ANXA6: variants seen among roughly 807,000 people sequenced by gnomAD.
ANXA6 encodes annexin A6, also known as 67 kDa calelectrin.
A neutral mutation model predicts 95.4 loss-of-function variants in ANXA6; 71 were observed. The ratio of observed to expected loss-of-function variants is 0.74; its 90% CI spans 0.61 to 0.91. The LOEUF is 0.91. ANXA6 is among the 40% of genes least tolerant of loss of function. The pLI is 0.00. For synonymous variants in ANXA6, 289 were observed against 315.9 expected (o/e 0.91, Z 0.90); for missense variants, 830 against 876.4 (o/e 0.95, Z 0.67).
In ANXA6 at chr5:151,129,464, G is replaced by T. The variant is rs769951302; in HGVS notation, c.861C>A (p.Leu287=). The T allele has an allele frequency of 3.7e-6, 6 of 1,613,064 alleles. No individual in the cohort carries two copies. The highest frequency in any genetic ancestry group is 5.1e-6 in the Non-Finnish European group (6 of 1,179,712). The change falls in exon 12 of 26, where the codon CTC becomes CTA. Residue 287 remains leucine, a synonymous_variant. Transcript: ENST00000354546. ...TGGTCCGGAAGATCTCCCGAATGTC[G>T]AGCATGTCCAACTCACTACGGGAGA... ...IMVSRSELDM[L]DIREIFRTKY...
At chr5:151,143,683 GA>G (rs1270948353) in intron 2 of ANXA6, among the ~76,000 whole-genome samples, 1 of 152,174 alleles carries the variant, frequency 6.6e-6, no homozygotes, top group Admixed American at 6.5e-5. Context: ...GAAGTTCCGG[GA>G]GGGCAGGGAC....
intron 1 of ANXA6, among the ~76,000 whole-genome samples, chr5:151,153,486 G>A (rs1255025714): frequency 6.6e-6 from 1 of 152,178 alleles, no homozygotes; most frequent in Non-Finnish European, 1.5e-5. Context: ...AGGGTGCTCT[G>A]AAACCACCTT....
intron 19 of ANXA6, 124 bp downstream of exon 19, chr5:151,117,634 G>A (rs1328878899): frequency 2.4e-6 from 2 of 832,386 alleles, no homozygotes; most frequent in East Asian, 2.7e-5. Context: ...AGGCAAGTGG[G>A]GAGACACCCC....
intron 1 of ANXA6, among the ~76,000 whole-genome samples, chr5:151,149,276 G>C (rs1198549537): frequency 6.6e-6 from 1 of 151,802 alleles, no homozygotes; most frequent in Non-Finnish European, 1.5e-5. Flanking sequence ...AGGATATCAG[G>C]AGACAGGGTC....
chr5:151,132,399 C>A, intron 10 of ANXA6, 77 bp downstream of exon 10: 1 of 1,103,278 alleles, frequency 9.1e-7, no homozygotes, highest in Non-Finnish European at 1.3e-6. Flanking sequence ...ATTCCCCTTT[C>A]CATTCTCAGC....
Position 151,105,283 on chromosome 5 carries a change from G to A in ANXA6, c.1801C>T (p.Pro601Ser), listed in dbSNP as rs748518293. 6.2e-7 allele frequency: 1 copy of A among 1,613,928 alleles called. No homozygotes were observed. Among genetic ancestry groups the A allele is most frequent in the South Asian group, 1.1e-5 (1 of 91,076 alleles). ...VAIVQSVKNKPLFFADKLYKS... is the reference protein window; with the variant it reads ...VAIVQSVKNKSLFFADKLYKS... ...TAAAGTTTGTCGGCAAAGAAGAGAG[G>A]CTTGTTCTTGACACTTTGAACTGGT... Residue 601 changes from proline (P) to serine (S), a missense_variant, in exon 24 of 26, where the codon CCT becomes TCT. By Grantham distance (74) the Pro-to-Ser change is moderately conservative. Coordinates refer to ENST00000354546, the MANE Select transcript of ANXA6 (RefSeq NM_001155.5).
chr5:151,103,564 C>A lies in ANXA6; in HGVS notation c.1962+6G>T. On this transcript the variant is annotated splice_donor_region_variant and intron_variant, in intron 25 of 25. Transcript: ENST00000354546. ...CTTCCTGCTAACCTCTAGCCCCTCC[C>A]CTTACCTCAATGGCTTGGTGGAGAG... 1 of 1,612,246 alleles carries A rather than the reference C, an allele frequency of 6.2e-7. No individual in the cohort carries two copies. Among genetic ancestry groups the A allele is most frequent in the Non-Finnish European group, 8.5e-7 (1 of 1,179,036 alleles).
intron 1 of ANXA6, among the ~76,000 whole-genome samples, chr5:151,150,191 GGA>G (rs1420704419): frequency 2.6e-5 from 4 of 151,828 alleles, no homozygotes; most frequent in Non-Finnish European, 2.9e-5. Context: ...AACAGAACTA[GGA>G]GAGTAGAAAT....
At chr5:151,154,611 C>T (rs1458692247) in intron 1 of ANXA6, among the ~76,000 whole-genome samples, 1 of 152,172 alleles carries the variant, frequency 6.6e-6, no homozygotes, top group African/African-American at 2.4e-5. Context: ...CATAACCCTC[C>T]AGGAGCCTTG....
chr5:151,155,586 C>A (rs1766215159), intron 1 of ANXA6: 1 of 152,180 alleles, frequency 6.6e-6, no homozygotes, highest in Non-Finnish European at 1.5e-5. Flanking sequence ...GGGGTGCATG[C>A]ATGCTCAGGA....
At chr5:151,152,921 G>C (rs531926463) in intron 1 of ANXA6, among the ~76,000 whole-genome samples, 1 of 152,128 alleles carries the variant, frequency 6.6e-6, no homozygotes, top group Admixed American at 6.5e-5. Flanking sequence ...GATGTTGAGC[G>C]TAAGGGGGTG....
chr5:151,110,573 A>C, intron 21 of ANXA6, 54 bp downstream of exon 21: 1 of 1,599,766 alleles, frequency 6.3e-7, no homozygotes, highest in South Asian at 1.1e-5. Flanking sequence ...GGCCCAGTAA[A>C]GGCGGACTTT....
At chr5:151,114,872 G>T (rs949769290) in intron 20 of ANXA6, among the ~76,000 whole-genome samples, 1 of 152,120 alleles carries the variant, frequency 6.6e-6, no homozygotes, top group Non-Finnish European at 1.5e-5. Context: ...GTGAGAGACC[G>T]CCAGGGAGGC....
chr5:151,154,509 G>T (rs1766186924), intron 1 of ANXA6, among the ~76,000 whole-genome samples: 1 of 152,024 alleles, frequency 6.6e-6, no homozygotes, highest in African/African-American at 2.4e-5. Flanking sequence ...CCACTTAGAA[G>T]GCCCCTGGCC....
chr5:151,105,049 C>CG (rs781155492), intron 24 of ANXA6, among the ~76,000 whole-genome samples, 196 bp downstream of exon 24: 6 of 152,208 alleles, frequency 3.9e-5, no homozygotes, highest in South Asian at 2.1e-4. Flanking sequence ...TCCTCCGGGG[C>CG]GGGGGAAGGC....
In ANXA6 at chr5:151,122,819, C is replaced by A. The variant is rs1188127249; in HGVS notation, c.1233+98G>T. 9.4e-6 allele frequency: 10 copies of A among 1,058,878 alleles called. No individual in the cohort carries two copies. In the East Asian group the frequency reaches 1.2e-4, roughly 13 times the overall value. 65.6% of individuals were successfully genotyped at this position (1,058,878 alleles called of 1,614,324 possible). The stretch of plus-strand genomic sequence containing the variant: ...ACACAGGGTCCCTCTGCCATGAAGA[C>A]CCTGGTGCCCAACTGTGCAGAACCG... On this transcript the variant is annotated intron_variant, in intron 16 of 25. Coordinates refer to ENST00000354546, the MANE Select transcript of ANXA6 (RefSeq NM_001155.5).
chr5:151,135,634 G>C (rs1047867369), intron 7 of ANXA6, among the ~76,000 whole-genome samples: 4 of 152,136 alleles, frequency 2.6e-5, no homozygotes, highest in African/African-American at 9.7e-5. Flanking sequence ...ACGGTGAAAC[G>C]GGCAGGACGC....
At chr5:151,136,628 A>G (rs1487915782) in intron 6 of ANXA6, among the ~76,000 whole-genome samples, 1 of 152,004 alleles carries the variant, frequency 6.6e-6, no homozygotes, top group Non-Finnish European at 1.5e-5. Context: ...TTCCTTTCCA[A>G]CCCACGGCAA....
intron 1 of ANXA6, among the ~76,000 whole-genome samples, chr5:151,154,530 A>G (rs974808798): frequency 6.6e-6 from 1 of 152,108 alleles, no homozygotes; most frequent in African/African-American, 2.4e-5. Context: ...TATAAAATCT[A>G]GATCCTTCCC....
Sources: allele counts gnomAD v4.1 joint callset (sites outside exome capture counted in the v4.1 genomes callset), GRCh38; gene constraint gnomAD v4.1.1; transcripts MANE v1.5; gene names NCBI Gene and HGNC (gene_info 2026-07-23, HGNC 2026-07-21).